Variants in COL23A1 observed in about 807,000 individuals in gnomAD.
The protein encoded by COL23A1 is collagen type XXIII alpha 1 chain, also known as collagen alpha-1(XXIII) chain.
COL23A1 carries 97 observed loss-of-function variants against 99.3 expected under a neutral mutation model. The observed-to-expected ratio is 0.98, with a 90% CI of 0.83 to 1.16. The LOEUF (loss-of-function observed/expected upper bound fraction) is 1.16, where lower values mean the gene tolerates loss of function less well. Among genes scored for constraint, COL23A1 ranks in the 50% most tolerant of loss-of-function variants. The pLI is 0.00. For missense variants in COL23A1, 762 were observed against 757.4 expected (o/e 1.01, Z -0.07); for synonymous variants, 320 against 308.2 (o/e 1.04, Z -0.40).
chr5:178,304,505 CAAAAAAAAAAAA>C (rs35806686), intron 3 of COL23A1, among the ~76,000 whole-genome samples: 1 of 32,220 alleles, frequency 3.1e-5, no homozygotes, highest in African/African-American at 8.3e-5. Flanking sequence ...GCGACTGTCT[CAAAAAAAAAAAA>C]AAAAAAAAAA....
intron 2 of COL23A1, among the ~76,000 whole-genome samples, chr5:178,481,793 T>C (rs1225640694): frequency 6.7e-6 from 1 of 148,466 alleles, no homozygotes; most frequent in East Asian, 2.0e-4. Context: ...CTGCCACCTA[T>C]GTTCTCAGTC....
chr5:178,279,101 C>G (rs1346878513), intron 5 of COL23A1, among the ~76,000 whole-genome samples: 1 of 152,226 alleles, frequency 6.6e-6, no homozygotes, highest in African/African-American at 2.4e-5. Flanking sequence ...CTGTGCCCTG[C>G]CTGCTGACTG....
intron 2 of COL23A1, among the ~76,000 whole-genome samples, chr5:178,476,968 T>C (rs1040311116): frequency 4.6e-5 from 7 of 152,198 alleles, no homozygotes; most frequent in African/African-American, 1.7e-4. Context: ...AGGTTTCCAA[T>C]CCTAGCTTTG....
At chr5:178,358,697 A>G (rs866460286) in intron 2 of COL23A1, among the ~76,000 whole-genome samples, 160 of 113,954 alleles carry the variant, frequency 1.4e-3, no homozygotes, top group Middle Eastern at 7.7e-3. Context: ...GTGTGTATGT[A>G]TGTGTATGTG....
chr5:178,424,591 A>G (rs763761266), intron 2 of COL23A1, among the ~76,000 whole-genome samples: 5 of 152,206 alleles, frequency 3.3e-5, no homozygotes, highest in Non-Finnish European at 5.9e-5. Context: ...AACGCTCAGA[A>G]CTGGAATATA....
chr5:178,409,489 A>AGTGT (rs34824661), intron 2 of COL23A1, among the ~76,000 whole-genome samples: 4,428 of 151,398 alleles, frequency 0.029, 85 homozygotes, highest in African/African-American at 0.049. Context: ...TATTTACACT[A>AGTGT]GTGTGTGTGT....
In COL23A1 at chr5:178,334,526, G is replaced by A. The variant is rs181800209; in HGVS notation, c.362-27607C>T. The stretch of plus-strand genomic sequence containing the variant: ...GCATTTCAAAGAGGACCATAACTCG[G>A]TGATTACTGCTTGCACATGTGAGGG... On this transcript the variant is annotated intron_variant, in intron 2 of 28. Transcript: ENST00000390654. Among the ~76,000 whole-genome samples, 16 of 152,356 alleles carry A rather than the reference G, an allele frequency of 1.1e-4. 1 individual carries two copies. The East Asian group carries it at 3.1e-3, about 29-fold the overall frequency.
At chr5:178,362,303 A>G (rs1762214679) in intron 2 of COL23A1, among the ~76,000 whole-genome samples, 1 of 152,040 alleles carries the variant, frequency 6.6e-6, no homozygotes, top group Non-Finnish European at 1.5e-5. Context: ...TAGCGGCTCA[A>G]CCACAGGCCC....
intron 25 of COL23A1, among the ~76,000 whole-genome samples, chr5:178,243,268 G>T (rs1764505431): frequency 6.6e-6 from 1 of 152,132 alleles, no homozygotes; most frequent in African/African-American, 2.4e-5. Context: ...CAGGCAGATT[G>T]CTTGAGCTCA....
intron 2 of COL23A1, among the ~76,000 whole-genome samples, chr5:178,518,323 G>A (rs1231547920): frequency 1.1e-4 from 17 of 149,946 alleles, no homozygotes; most frequent in East Asian, 2.0e-4. Context: ...GCAACCATCC[G>A]ATTTCTCAAT....
At chr5:178,563,656 T>C (rs1407976175) in intron 1 of COL23A1, among the ~76,000 whole-genome samples, 1 of 148,418 alleles carries the variant, frequency 6.7e-6, no homozygotes, top group Non-Finnish European at 1.5e-5. Context: ...TTCAGCCTCC[T>C]GAGTAGCTGA....
At chr5:178,275,368 G>A (rs1041983260) in intron 5 of COL23A1, among the ~76,000 whole-genome samples, 5 of 152,192 alleles carry the variant, frequency 3.3e-5, no homozygotes, top group African/African-American at 4.8e-5. Flanking sequence ...GGACGGTGCC[G>A]CCAGCTCTGC....
At chr5:178,251,480 G>T (rs56039553) in intron 17 of COL23A1, among the ~76,000 whole-genome samples, 38,288 of 152,068 alleles carry the variant, frequency 0.25, 4,957 homozygotes, top group African/African-American at 0.31. Flanking sequence ...AATCAAAAGA[G>T]AGCTTAGAAA....
intron 25 of COL23A1, among the ~76,000 whole-genome samples, chr5:178,245,224 C>T (rs774473820): frequency 1.9e-4 from 28 of 150,642 alleles, no homozygotes; most frequent in Non-Finnish European, 3.4e-4. Context: ...ATCATCCATC[C>T]ATCCATCCAT....
At chr5:178,342,819 T>C (rs556723590) in intron 2 of COL23A1, among the ~76,000 whole-genome samples, 21 of 151,616 alleles carry the variant, frequency 1.4e-4, no homozygotes, top group Non-Finnish European at 2.5e-4. Flanking sequence ...AAAAAGCCCA[T>C]AGAATTCCAA....
At chr5:178,503,492 A>C (rs1345071591) in intron 2 of COL23A1, among the ~76,000 whole-genome samples, 1 of 152,222 alleles carries the variant, frequency 6.6e-6, no homozygotes, top group Non-Finnish European at 1.5e-5. Context: ...AGGTCAATTC[A>C]CTAAAGTTAG....
chr5:178,357,738 A>G lies in COL23A1; in HGVS notation c.362-50819T>C, dbSNP rs944025169. Reference sequence around the variant, plus strand: ...TGTGTATGTGTGTGTGTGTGTGTGTATGTACGTGTATGTGTGTGTGTACGT... The same window carrying G: ...TGTGTATGTGTGTGTGTGTGTGTGTGTGTACGTGTATGTGTGTGTGTACGT... On this transcript the variant is annotated intron_variant, in intron 2 of 28. Transcript: ENST00000390654. 7.0e-3 allele frequency among the ~76,000 whole-genome samples: 866 copies of G among 124,540 alleles called. 12 individuals carry two copies. Among genetic ancestry groups the G allele is most frequent in the African/African-American group, 0.02 (763 of 37,246 alleles). 81.7% of individuals were successfully genotyped at this position (124,540 alleles called of 152,430 possible).
intron 2 of COL23A1, among the ~76,000 whole-genome samples, chr5:178,433,890 C>T (rs192500167): frequency 5.3e-5 from 8 of 152,274 alleles, no homozygotes; most frequent in African/African-American, 1.9e-4. Flanking sequence ...CCTAATCCAA[C>T]AGGACTGGTG....
At chr5:178,581,683 A>C (rs1300972592) in intron 1 of COL23A1, among the ~76,000 whole-genome samples, 1 of 152,156 alleles carries the variant, frequency 6.6e-6, no homozygotes, top group East Asian at 1.9e-4. Flanking sequence ...AAAACCACTG[A>C]CTGTACCATT....
Sources: gnomAD v4.1 joint callset for allele counts (sites outside exome capture counted in the v4.1 genomes callset) on GRCh38, gnomAD v4.1.1 for gene constraint, MANE v1.5 for transcripts, NCBI Gene and HGNC (gene_info 2026-07-23, HGNC 2026-07-21) for gene names.